The following DDX46 variants were observed in gnomAD, a reference collection of about 807,000 sequenced individuals.
DDX46 encodes the protein DEAD-box helicase 46.
In DDX46, 30 loss-of-function variants were observed where a neutral mutation model predicts 134.9. The observed-to-expected ratio is 0.22, with a 90% CI of 0.17 to 0.30. The LOEUF (loss-of-function observed/expected upper bound fraction) is 0.30. Among genes scored for constraint, DDX46 ranks in the 10% least tolerant of loss-of-function variants. DDX46 has a pLI of 1.00. For synonymous variants in DDX46, 415 were observed against 404.1 expected, an observed-to-expected ratio of 1.03 and a Z score of -0.32; for missense variants, 622 against 1,248.7, an observed-to-expected ratio of 0.50 and a Z score of 7.56.
chr5:134,790,040 A>G (rs1029644278), intron 12 of DDX46: 6 of 455,966 alleles, frequency 1.3e-5, no homozygotes, highest in Non-Finnish European at 2.2e-5. Flanking sequence ...TTCTGTGTCT[A>G]AAATAGTTAG....
chr5:134,766,831 A>T (rs1299148244), intron 2 of DDX46, 86 bp from the exon 3 acceptor site: 10 of 1,453,208 alleles, frequency 6.9e-6, no homozygotes, highest in Middle Eastern at 3.7e-4. Flanking sequence ...AGTGATTAAG[A>T]TTCTTTCAAT....
At chr5:134,818,336 C>T (rs960402974) in intron 20 of DDX46, among the ~76,000 whole-genome samples, 2 of 150,908 alleles carry the variant, frequency 1.3e-5, no homozygotes, top group Non-Finnish European at 3.0e-5. Flanking sequence ...TCAGGTGATC[C>T]GCCCACCTTA....
At chr5:134,828,058 A>G (rs1049463544) in intron 22 of DDX46, among the ~76,000 whole-genome samples, 1 of 152,202 alleles carries the variant, frequency 6.6e-6, no homozygotes, top group Non-Finnish European at 1.5e-5. Flanking sequence ...ACTTAATTTG[A>G]TTTTGGAAAA....
chr5:134,792,623 A>G (rs1228078468), intron 13 of DDX46, among the ~76,000 whole-genome samples: 1 of 152,216 alleles, frequency 6.6e-6, no homozygotes, highest in Non-Finnish European at 1.5e-5. Context: ...CTTCTGGTAA[A>G]CCAAGTTCTT....
Position 134,828,606 on chromosome 5 carries a change from T to G in DDX46, c.3052-53T>G, listed in dbSNP as rs201001369. 2.7e-4 allele frequency: 304 copies of G among 1,132,122 alleles called. 1 individual carries two copies. The highest frequency in any genetic ancestry group is 1.0e-3 in the Middle Eastern group (4 of 3,912). The allele number at this position is 1,132,122 out of a possible 1,614,324, so 70.1% of individuals were successfully genotyped here. ...GGTTGGTTGGTTCGTTTTTTTTTTT[T>G]GTTTTTTTTGTTTTGCTTTCTCTGA... On this transcript the variant is annotated intron_variant, in intron 22 of 22. Transcript: ENST00000452510.
chr5:134,796,623 C>T (rs371421008), intron 15 of DDX46, among the ~76,000 whole-genome samples: 2 of 152,230 alleles, frequency 1.3e-5, no homozygotes, highest in South Asian at 2.1e-4. Context: ...GAGGCTGAGG[C>T]GGGCAGATCA....
intron 21 of DDX46, 31 bp from the exon 22 acceptor site, chr5:134,826,916 T>G (rs2150164446): frequency 1.2e-6 from 2 of 1,603,756 alleles, no homozygotes; most frequent in Non-Finnish European, 1.7e-6. Flanking sequence ...GTTTAGTAAT[T>G]TGAATAATAT....
rs1387008024 is a variant in DDX46, at chr5:134,830,986, CTTTG to C, written c.*2283_*2286del. 1 of 152,354 alleles carries C rather than the reference CTTTG, an allele frequency of 6.6e-6. No individual in the cohort carries two copies. Among genetic ancestry groups the C allele is most frequent in the Admixed American group, 6.6e-5 (1 of 15,246 alleles). The allele number at this position is 152,354 out of a possible 1,614,324, so 9.4% of individuals were successfully genotyped here. On this transcript the variant is annotated 3_prime_UTR_variant, in exon 23 of 23. Transcript: ENST00000452510. ...TTTTGTTCTAAAATGAAACATATTA[CTTTG>C]TTAGTACATTTTTTAGTGTCACACT...
chr5:134,820,498 GA>G (rs1755411981), intron 21 of DDX46, among the ~76,000 whole-genome samples: 1 of 152,110 alleles, frequency 6.6e-6, no homozygotes, highest in Admixed American at 6.5e-5. Flanking sequence ...GGGTAGCTGG[GA>G]CCACAGGCAT....
chr5:134,788,701 T>C, intron 12 of DDX46, 110 bp downstream of exon 12: 1 of 982,816 alleles, frequency 1.0e-6, no homozygotes, highest in Non-Finnish European at 1.5e-6. Flanking sequence ...TTCTTAAAGC[T>C]GCAGTATCTT....
At chr5:134,819,031 C>G in intron 21 of DDX46, 27 bp downstream of exon 21, 2 of 1,607,966 alleles carry the variant, frequency 1.2e-6, no homozygotes, top group East Asian at 2.2e-5. Context: ...CTGTTTCAAT[C>G]TTGAATTTAG....
At position 134,794,839 on chromosome 5, in the gene DDX46, CT is replaced by C. The variant is rs1305562025; in HGVS notation, c.1627-6del. The C allele has an allele frequency of 6.2e-7, 1 of 1,612,350 alleles. No homozygotes were observed. Among genetic ancestry groups the C allele is most frequent in the African/African-American group, 1.3e-5 (1 of 74,814 alleles). On this transcript the variant is annotated splice_polypyrimidine_tract_variant and intron_variant, in intron 13 of 22. Coordinates refer to ENST00000452510, the MANE Select transcript of DDX46 (RefSeq NM_001300860.2). Reference sequence around the variant, plus strand: ...TTACCATATTTATTTGTAATGTTTTCTTTTTCTCAGGTCATGCGCATCGTGG... The same window carrying C: ...TTACCATATTTATTTGTAATGTTTTCTTTTCTCAGGTCATGCGCATCGTGG...
chr5:134,759,035 C>G lies in DDX46; in HGVS notation c.17+80C>G, dbSNP rs368787023. ...AAGAGGCGGGAGTTGAGGTGGCCGC[C>G]GGGCCAGGCCTGGCGCGGCCCCACG... On this transcript the variant is annotated intron_variant, in intron 1 of 22. Coordinates refer to ENST00000452510, the MANE Select transcript of DDX46 (RefSeq NM_001300860.2). The G allele has an allele frequency of 1.4e-4, 216 of 1,579,178 alleles. 2 individuals carry two copies. The South Asian group carries it at 1.8e-3, about 13-fold the overall frequency.
chr5:134,772,901 A>C (rs1328811875), intron 4 of DDX46, among the ~76,000 whole-genome samples: 1 of 152,082 alleles, frequency 6.6e-6, no homozygotes, highest in African/African-American at 2.4e-5. Context: ...TCCTGAGTCG[A>C]AGCAATTCTC....
intron 5 of DDX46, 151 bp downstream of exon 5, chr5:134,774,012 T>A: frequency 1.1e-6 from 1 of 893,248 alleles, no homozygotes; most frequent in Non-Finnish European, 1.6e-6. Flanking sequence ...TTCAATTCAG[T>A]GATAAATACA....
At chr5:134,759,079 G>A in intron 1 of DDX46, 124 bp downstream of exon 1, 1 of 1,444,162 alleles carries the variant, frequency 6.9e-7, no homozygotes, top group Non-Finnish European at 9.3e-7. Context: ...GCGCTGCCCC[G>A]CGAGCATTGG....
intron 18 of DDX46, among the ~76,000 whole-genome samples, chr5:134,815,706 CAAAAAAAAAAAAAA>C (rs374562980): frequency 2.1e-4 from 6 of 28,706 alleles, no homozygotes; most frequent in East Asian, 7.8e-4. Flanking sequence ...GACTCTGTCT[CAAAAAAAAAAAAAA>C]AAAAAAAAAA....
intron 9 of DDX46, among the ~76,000 whole-genome samples, chr5:134,783,891 A>C: frequency 7.2e-6 from 1 of 139,742 alleles, no homozygotes. Context: ...CGCTATGTTG[A>C]CCAGGCTGGT....
Position 134,788,672 on chromosome 5 carries a change from C to T in DDX46, c.1543+81C>T, listed in dbSNP as rs566254677. 3.3e-6 allele frequency: 4 copies of T among 1,229,950 alleles called. No individual in the cohort carries two copies. In the African/African-American group the frequency reaches 4.5e-5, roughly 14 times the overall value. The allele number at this position is 1,229,950 out of a possible 1,614,324, so 76.2% of individuals were successfully genotyped here. A position where few individuals can be genotyped will look rare whatever the true frequency, so the allele number is the denominator to read the frequency against. On this transcript the variant is annotated intron_variant, in intron 12 of 22. Transcript: ENST00000452510. ...TGTTAAAACAGATGCAAGAAACCAACAAAGGGTTTCTATATTTCTTCTTAA... is the reference window on the plus strand; with the variant it reads ...TGTTAAAACAGATGCAAGAAACCAATAAAGGGTTTCTATATTTCTTCTTAA...
Sources: gnomAD v4.1 joint callset for allele counts (sites outside exome capture counted in the v4.1 genomes callset) on GRCh38, gnomAD v4.1.1 for gene constraint, MANE v1.5 for transcripts, NCBI Gene and HGNC (gene_info 2026-07-23, HGNC 2026-07-21) for gene names.